Variants in TRPM7 observed in about 807,000 individuals in gnomAD.
TRPM7 encodes transient receptor potential cation channel subfamily M member 7, also known as LTRPC ion channel family member 7.
In TRPM7, 134 loss-of-function variants were observed where a neutral mutation model predicts 229.7. The observed-to-expected ratio is 0.58, with a 90% CI of 0.51 to 0.67. The LOEUF is 0.67. Among genes scored for constraint, TRPM7 ranks in the 30% least tolerant of loss-of-function variants. The pLI, the probability that TRPM7 is intolerant of heterozygous loss-of-function variation, is 0.00. For missense variants in TRPM7, 1,901 were observed against 2,210.0 expected (o/e 0.86, Z 2.80); for synonymous variants, 699 against 715.2 (o/e 0.98, Z 0.36).
intron 19 of TRPM7, 61 bp downstream of exon 19, chr15:50,609,520 C>A: frequency 1.3e-6 from 2 of 1,486,972 alleles, no homozygotes; most frequent in Non-Finnish European, 1.8e-6. Flanking sequence ...GGATTCCGAA[C>A]CAATGGTCCC....
intron 21 of TRPM7, among the ~76,000 whole-genome samples, chr15:50,601,885 C>T (rs1264060684): frequency 6.6e-6 from 1 of 150,934 alleles, no homozygotes; most frequent in Non-Finnish European, 1.5e-5. Context: ...CTTTTATTGT[C>T]TTCAAGCTTT....
intron 29 of TRPM7, 42 bp downstream of exon 29, chr15:50,583,047 T>C (rs1196364520): frequency 2.2e-6 from 3 of 1,351,000 alleles, no homozygotes; most frequent in Admixed American, 2.5e-5. Context: ...AAAAGTTTAA[T>C]GTATTTAATA....
In TRPM7 at chr15:50,599,909, T is replaced by C. The variant is rs78895982; in HGVS notation, c.2989-613A>G. Among the ~76,000 whole-genome samples, 661 of 152,322 alleles carry C rather than the reference T, an allele frequency of 4.3e-3. 6 individuals carry two copies. The highest frequency in any genetic ancestry group is 0.015 in the African/African-American group (610 of 41,574). ...CAAATACTTTTGTAAGTCATGTAGT[T>C]TGTAATTCTTTAATTTCAATAAAAT... On this transcript the variant is annotated intron_variant, in intron 21 of 38. Transcript: ENST00000646667.
chr15:50,562,684 A>G (rs896587618), intron 38 of TRPM7, among the ~76,000 whole-genome samples: 5 of 151,680 alleles, frequency 3.3e-5, no homozygotes, highest in African/African-American at 9.7e-5. Flanking sequence ...AGGTGGGAGG[A>G]CTGTTTGAGC....
In TRPM7 at chr15:50,612,869, G is replaced by A. The variant is rs774109320; in HGVS notation, c.1771-40C>T. ...AAAGTTATAAAGCTCATTATAATAA[G>A]GCCATATGAAATTTATGTCAGTGAA... On this transcript the variant is annotated intron_variant, in intron 15 of 38. Transcript: ENST00000646667. 2.0e-6 allele frequency: 3 copies of A among 1,537,192 alleles called. No individual in the cohort carries two copies. In the East Asian group the frequency reaches 6.8e-5, roughly 35 times the overall value.
intron 26 of TRPM7, among the ~76,000 whole-genome samples, chr15:50,590,208 AAACC>A (rs1321817112): frequency 6.6e-6 from 1 of 152,162 alleles, no homozygotes; most frequent in African/African-American, 2.4e-5. Flanking sequence ...CTTATAAAAC[AAACC>A]AACATGTGAT....
At chr15:50,564,892 C>T (rs1169136362) in intron 38 of TRPM7, among the ~76,000 whole-genome samples, 2 of 152,044 alleles carry the variant, frequency 1.3e-5, no homozygotes, top group Admixed American at 1.3e-4. Flanking sequence ...GAGAGAAACA[C>T]AATTATAGCT....
At chr15:50,599,806 C>T (rs2059727193) in intron 21 of TRPM7, 1 of 152,194 alleles carries the variant, frequency 6.6e-6, no homozygotes, top group Non-Finnish European at 1.5e-5. Context: ...GATATGAAAA[C>T]TTCCTAGGAG....
intron 36 of TRPM7, among the ~76,000 whole-genome samples, chr15:50,570,768 T>A (rs2053844170): frequency 1.4e-5 from 2 of 146,692 alleles, no homozygotes; most frequent in African/African-American, 5.1e-5. Context: ...GACGGGAGAA[T>A]CGCTTGAACC....
chr15:50,609,836 G>GT lies in TRPM7; in HGVS notation c.2405dup (p.Asn802LysfsTer15). The GT allele has an allele frequency of 2.5e-6, 4 of 1,612,786 alleles. No homozygotes were observed. Among genetic ancestry groups the GT allele is most frequent in the Non-Finnish European group, 3.4e-6 (4 of 1,179,404 alleles). On this transcript the variant is annotated frameshift_variant, in exon 18 of 39. Transcript: ENST00000646667. LOFTEE classifies it high-confidence loss of function. ...GGATCTCTTCTGTTATGTTCTGAAA[G>GT]TTGTTTTCGCTGTCATCCATTGTCA...
At chr15:50,653,655 A>T (rs942229422) in intron 3 of TRPM7, among the ~76,000 whole-genome samples, 2 of 152,168 alleles carry the variant, frequency 1.3e-5, no homozygotes, top group African/African-American at 4.8e-5. Flanking sequence ...AAAACAGTAG[A>T]CACTGGGCCA....
chr15:50,632,970 G>C lies in TRPM7; in HGVS notation c.1030C>G (p.Pro344Ala), dbSNP rs76006839. 6.3e-7 allele frequency: 1 copy of C among 1,593,982 alleles called. No individual in the cohort carries two copies. The highest frequency in any genetic ancestry group is 2.3e-5 in the East Asian group (1 of 44,008). The part of the protein sequence containing the change: ...EGGNLPDAAE[P>A]DIISTIKKTF... Reference sequence around the variant, plus strand: ...TTTTTGATAGTGGAAATAATATCGGGCTCTGCTGCATCAGGAAGATTCCTG... The same window carrying C: ...TTTTTGATAGTGGAAATAATATCGGCCTCTGCTGCATCAGGAAGATTCCTG... The change falls in exon 9 of 39, where the codon CCC (proline) becomes GCC (alanine). Residue 344 changes from proline (P) to alanine (A), a missense_variant. Around this residue, in one of 8 missense-constraint regions of TRPM7, gnomAD observed 794 missense variants for 881.9 expected, o/e 0.90. Transcript: ENST00000646667.
At chr15:50,615,928 G>C (rs1347991884) in intron 13 of TRPM7, among the ~76,000 whole-genome samples, 1 of 152,040 alleles carries the variant, frequency 6.6e-6, no homozygotes, top group Non-Finnish European at 1.5e-5. Flanking sequence ...TTTCATCTGT[G>C]AAATTTCTAA....
intron 1 of TRPM7, among the ~76,000 whole-genome samples, chr15:50,669,338 A>C (rs2061943226): frequency 6.6e-6 from 1 of 152,072 alleles, no homozygotes; most frequent in Admixed American, 6.6e-5. Context: ...AGGAAGCTGA[A>C]GCAGCAGAAC....
At chr15:50,563,149 T>TA (rs949585923) in intron 38 of TRPM7, among the ~76,000 whole-genome samples, 1 of 152,210 alleles carries the variant, frequency 6.6e-6, no homozygotes, top group African/African-American at 2.4e-5. Context: ...CCTGTTTTTG[T>TA]AAGTAGTTTT....
At chr15:50,639,775 A>C (rs956365655) in intron 5 of TRPM7, among the ~76,000 whole-genome samples, 3 of 149,326 alleles carry the variant, frequency 2.0e-5, no homozygotes, top group African/African-American at 7.4e-5. Flanking sequence ...TGGGTCTTGA[A>C]CTCTTGGGCT....
chr15:50,647,926 T>C (rs1015126426), intron 4 of TRPM7, among the ~76,000 whole-genome samples: 2 of 152,232 alleles, frequency 1.3e-5, no homozygotes, highest in Non-Finnish European at 2.9e-5. Context: ...ACTATTTACA[T>C]TGTATTGGGC....
rs1440592613 is a variant in TRPM7, at chr15:50,609,791, T to C, written c.2436+15A>G. 8 of 1,602,020 alleles carry C rather than the reference T, an allele frequency of 5.0e-6. No individual in the cohort carries two copies. Among genetic ancestry groups the C allele is most frequent in the East Asian group, 2.2e-5 (1 of 44,730 alleles). On this transcript the variant is annotated intron_variant, in intron 18 of 38. Coordinates refer to ENST00000646667, the MANE Select transcript of TRPM7 (RefSeq NM_017672.6). ...GAACAAACTTATATTTACTTTAAAATGTTTTCCTGCTTACCATGGGGATCT... is the reference window on the plus strand; with the variant it reads ...GAACAAACTTATATTTACTTTAAAACGTTTTCCTGCTTACCATGGGGATCT...
intron 2 of TRPM7, among the ~76,000 whole-genome samples, chr15:50,662,209 C>T (rs1223223147): frequency 6.6e-6 from 1 of 151,842 alleles, no homozygotes; most frequent in Non-Finnish European, 1.5e-5. Flanking sequence ...AAAATTTAGC[C>T]GGCTGTGGTG....
Sources: gnomAD v4.1 joint callset for allele counts (sites outside exome capture counted in the v4.1 genomes callset) on GRCh38, gnomAD v4.1.1 for gene constraint, gnomAD v4.1.1 regional missense constraint, MANE v1.5 for transcripts, NCBI Gene and HGNC (gene_info 2026-07-23, HGNC 2026-07-21) for gene names.